Variants in LRRTM4 observed in about 807,000 individuals in gnomAD.
LRRTM4 encodes leucine-rich repeat transmembrane neuronal protein 4.
Under a neutral mutation model 47.6 loss-of-function variants are expected in LRRTM4, and 25 were observed. That is an observed-to-expected ratio of 0.53 (90% CI 0.38 to 0.73). The LOEUF is 0.73. Among genes scored for constraint, LRRTM4 ranks in the 30% least tolerant of loss-of-function variants. The pLI is 0.00. For missense variants in LRRTM4, 638 were observed against 713.4 expected, an observed-to-expected ratio of 0.89 and a Z score of 1.20; for synonymous variants, 311 against 269.5, an observed-to-expected ratio of 1.15 and a Z score of -1.51.
At chr2:76,812,754 CTTCTCCTCCTCCTCT>C (rs1670777079) in intron 3 of LRRTM4, among the ~76,000 whole-genome samples, 1 of 99,780 alleles carries the variant, frequency 1.0e-5, no homozygotes, top group African/African-American at 4.5e-5. Flanking sequence ...CCTCTCCCTC[CTTCTCCTCCTCCTCT>C]CCCTCCCCCT....
intron 3 of LRRTM4, among the ~76,000 whole-genome samples, chr2:77,247,411 T>C (rs1296884458): frequency 6.6e-6 from 1 of 152,106 alleles, no homozygotes; most frequent in Non-Finnish European, 1.5e-5. Flanking sequence ...TCTCTTTTTT[T>C]GTTACATACG....
intron 3 of LRRTM4, among the ~76,000 whole-genome samples, chr2:77,299,756 C>T (rs1032415834): frequency 6.6e-6 from 1 of 151,680 alleles, no homozygotes; most frequent in African/African-American, 2.4e-5. Context: ...AAAAGAAACA[C>T]TTTCAGCCTT....
chr2:76,962,812 G>A (rs905217941), intron 3 of LRRTM4, among the ~76,000 whole-genome samples: 2 of 150,710 alleles, frequency 1.3e-5, no homozygotes, highest in Admixed American at 1.3e-4. Flanking sequence ...TTAAGATACA[G>A]ATAATTGCAA....
chr2:77,441,223 T>G (rs565466368), intron 3 of LRRTM4, among the ~76,000 whole-genome samples: 9 of 152,330 alleles, frequency 5.9e-5, no homozygotes, highest in African/African-American at 2.2e-4. Flanking sequence ...CTAGAATGAA[T>G]GCTCAGTAGA....
chr2:76,872,316 A>G (rs1266718347), intron 3 of LRRTM4, among the ~76,000 whole-genome samples: 2 of 152,170 alleles, frequency 1.3e-5, no homozygotes, highest in African/African-American at 2.4e-5. Context: ...AGTAAGAACA[A>G]TAATCAAATG....
intron 3 of LRRTM4, among the ~76,000 whole-genome samples, chr2:77,285,938 A>G (rs1385482892): frequency 1.3e-5 from 2 of 152,152 alleles, no homozygotes; most frequent in Non-Finnish European, 1.5e-5. Context: ...AATTATAAAA[A>G]GTCTATGCTA....
intron 3 of LRRTM4, among the ~76,000 whole-genome samples, chr2:76,794,527 T>A (rs6714470): frequency 0.12 from 18,895 of 151,486 alleles, 1,415 homozygotes; most frequent in East Asian, 0.31. Context: ...TCTTCTATAT[T>A]CTATCTAGAC....
chr2:76,982,575 G>A (rs1207000320), intron 3 of LRRTM4, among the ~76,000 whole-genome samples: 3 of 151,988 alleles, frequency 2.0e-5, no homozygotes, highest in Non-Finnish European at 2.9e-5. Flanking sequence ...GTATCTAGAA[G>A]AGTCACCAGA....
chr2:77,275,909 G>A (rs1676333924), intron 3 of LRRTM4, among the ~76,000 whole-genome samples: 1 of 151,998 alleles, frequency 6.6e-6, no homozygotes, highest in African/African-American at 2.4e-5. Context: ...TTTATGATGA[G>A]CTTGTATCTG....
intron 3 of LRRTM4, among the ~76,000 whole-genome samples, chr2:77,486,545 G>T (rs1677917916): frequency 6.6e-6 from 1 of 151,894 alleles, no homozygotes; most frequent in Non-Finnish European, 1.5e-5. Flanking sequence ...TATTTCTCAT[G>T]AAAAAATAAC....
At chr2:76,884,289 G>C (rs1673010711) in intron 3 of LRRTM4, among the ~76,000 whole-genome samples, 1 of 152,110 alleles carries the variant, frequency 6.6e-6, no homozygotes, top group Admixed American at 6.6e-5. Flanking sequence ...GAAGTAACTT[G>C]CCCAAGTCAT....
At chr2:76,909,916 A>G (rs1673988777) in intron 3 of LRRTM4, among the ~76,000 whole-genome samples, 1 of 152,212 alleles carries the variant, frequency 6.6e-6, no homozygotes. Context: ...AACTAGTTCA[A>G]CCATTGTGGA....
chr2:76,992,846 G>T (rs1469208863), intron 3 of LRRTM4, among the ~76,000 whole-genome samples: 1 of 106,894 alleles, frequency 9.4e-6, no homozygotes, highest in Non-Finnish European at 1.9e-5. Context: ...AAAAAGCTGG[G>T]TGTATCATAT....
intron 3 of LRRTM4, among the ~76,000 whole-genome samples, chr2:76,923,806 G>A (rs1373086975): frequency 6.6e-6 from 1 of 152,018 alleles, no homozygotes; most frequent in Non-Finnish European, 1.5e-5. Context: ...TGTTTCTTTA[G>A]CTATTTCAGT....
At chr2:77,077,227 C>A (rs575858493) in intron 3 of LRRTM4, among the ~76,000 whole-genome samples, 2 of 152,206 alleles carry the variant, frequency 1.3e-5, no homozygotes, top group East Asian at 3.9e-4. Context: ...TCACTTAAAA[C>A]AGAAGTATCA....
At chr2:77,485,013 A>G (rs1208250457) in intron 3 of LRRTM4, among the ~76,000 whole-genome samples, 1 of 152,160 alleles carries the variant, frequency 6.6e-6, no homozygotes, top group East Asian at 1.9e-4. Context: ...GATATTTAGT[A>G]TAATTATTTC....
At chr2:77,287,426 T>G (rs1292033672) in intron 3 of LRRTM4, among the ~76,000 whole-genome samples, 2 of 151,868 alleles carry the variant, frequency 1.3e-5, no homozygotes, top group Non-Finnish European at 2.9e-5. Flanking sequence ...TATGTATATA[T>G]TAGATATTCA....
At chr2:77,088,732 T>G (rs905403690) in intron 3 of LRRTM4, among the ~76,000 whole-genome samples, 1 of 152,182 alleles carries the variant, frequency 6.6e-6, no homozygotes, top group African/African-American at 2.4e-5. Flanking sequence ...TCCCCCGTCC[T>G]CCTGCTCTTT....
chr2:77,397,795 T>C (rs926456123), intron 3 of LRRTM4, among the ~76,000 whole-genome samples: 3 of 151,888 alleles, frequency 2.0e-5, no homozygotes, highest in African/African-American at 7.2e-5. Flanking sequence ...GAGTATAATT[T>C]GGTTTTCCAC....
Sources: gnomAD v4.1 joint callset for allele counts (sites outside exome capture counted in the v4.1 genomes callset) on GRCh38, gnomAD v4.1.1 for gene constraint, MANE v1.5 for transcripts, NCBI Gene and HGNC (gene_info 2026-07-23, HGNC 2026-07-21) for gene names.